The following ENO4 variants were observed in gnomAD, a reference collection of about 807,000 sequenced individuals.
ENO4 encodes 2-phospho-D-glycerate hydro-lyase.
In ENO4, 53 loss-of-function variants were observed where a neutral mutation model predicts 63.2. The observed-to-expected ratio is 0.84, with a 90% CI of 0.67 to 1.05. ENO4 has a LOEUF of 1.05. Ranked by LOEUF, ENO4 falls within the 50% of genes least tolerant of loss-of-function variation. ENO4 has a pLI of 0.00. For synonymous variants in ENO4, 266 were observed against 283.8 expected (o/e 0.94, Z 0.63); for missense variants, 719 against 772.0 (o/e 0.93, Z 0.81).
rs537756679 is a variant in ENO4 at position 116,897,904 on chromosome 10, C to A, written c.1195-13595C>A. On this transcript the variant is annotated intron_variant, in intron 10 of 10. Coordinates refer to the ENO4 transcript ENST00000369207. ...AAATCACATTGTTTCCTTGTTACTC[C>A]CCCTCCCGTCTACAGGCTTTTATTG... Among the ~76,000 whole-genome samples, 446 of 152,236 alleles carry A rather than the reference C, an allele frequency of 2.9e-3. 2 individuals are homozygous for A. The highest frequency in any genetic ancestry group is 0.01 in the African/African-American group (432 of 41,542).
intron 13 of ENO4, among the ~76,000 whole-genome samples, chr10:116,880,377 G>T (rs930582432): frequency 6.6e-6 from 1 of 152,170 alleles, no homozygotes; most frequent in Non-Finnish European, 1.5e-5. Flanking sequence ...AAAACAAGTA[G>T]GCAGCGTGTT....
intron 1 of ENO4, 104 bp downstream of exon 1, chr10:116,849,835 C>A (rs1474291859): frequency 1.5e-6 from 2 of 1,317,396 alleles, no homozygotes; most frequent in African/African-American, 3.0e-5. Context: ...ATCTCGCATG[C>A]CAGCCGCCCG....
At chr10:116,849,789 T>A (rs1846009626) in intron 1 of ENO4, 58 bp downstream of exon 1, 2 of 1,450,010 alleles carry the variant, frequency 1.4e-6, no homozygotes, top group African/African-American at 2.9e-5. Context: ...CGCCCCGCGC[T>A]GCGGCAACGC....
intron 7 of ENO4, among the ~76,000 whole-genome samples, chr10:116,868,405 G>A (rs1846600779): frequency 6.6e-6 from 1 of 152,188 alleles, no homozygotes; most frequent in Admixed American, 6.5e-5. Flanking sequence ...ATATGTGACT[G>A]GGGGCAGAGG....
At chr10:116,854,898 G>A (rs545731207) in intron 1 of ENO4, among the ~76,000 whole-genome samples, 24 of 123,692 alleles carry the variant, frequency 1.9e-4, no homozygotes, top group Non-Finnish European at 3.5e-4. Context: ...CCGTGATGGT[G>A]CCACTGCTCT....
At chr10:116,899,812 G>A (rs1320302235) in intron 10 of ENO4, among the ~76,000 whole-genome samples, 1 of 152,172 alleles carries the variant, frequency 6.6e-6, no homozygotes, top group African/African-American at 2.4e-5. Flanking sequence ...TAAAGTAAGA[G>A]AATGTGGTTA....
chr10:116,871,293 G>A lies in ENO4; in HGVS notation c.1215+1G>A, dbSNP rs551637225. 8.4e-6 allele frequency: 13 copies of A among 1,548,698 alleles called. No individual in the cohort carries two copies. Among genetic ancestry groups the A allele is most frequent in the East Asian group, 2.4e-5 (1 of 40,890 alleles). Reference sequence around the variant, plus strand: ...TGCTGGACATGAGCTGATGGACTACGTAAGTTTCCACTTCAGAACATTCAC... The same window carrying A: ...TGCTGGACATGAGCTGATGGACTACATAAGTTTCCACTTCAGAACATTCAC... On this transcript the variant is annotated splice_donor_variant, in intron 9 of 13. Transcript: ENST00000341276. LOFTEE classifies it high-confidence loss of function.
In ENO4 at chr10:116,861,236, A is replaced by AAAAT. The variant is rs398014879; in HGVS notation, c.936+47_936+48insAATA. 19 of 168,038 alleles carry AAAAT rather than the reference A, an allele frequency of 1.1e-4. No individual in the cohort carries two copies. The South Asian group carries it at 1.3e-3, about 11-fold the overall frequency. 10.4% of individuals were successfully genotyped at this position (168,038 alleles called of 1,614,324 possible). On this transcript the variant is annotated intron_variant, in intron 6 of 13. Transcript: ENST00000341276. ...TTACCTTTTCTAAAAAAAAAAAAAA[A>AAAAT]ATATATATATATATATATATACTCC...
intron 7 of ENO4, among the ~76,000 whole-genome samples, chr10:116,866,319 C>G (rs146541565): frequency 5.8e-4 from 89 of 152,284 alleles, no homozygotes; most frequent in African/African-American, 2.0e-3. Context: ...AGCAGTAAAG[C>G]ACTTAGAGAA....
chr10:116,911,938 T>C, downstream of ENO4: 4 of 882,658 alleles, frequency 4.5e-6, no homozygotes, highest in South Asian at 2.7e-5. Flanking sequence ...TAGCCTTATA[T>C]TGGTAATATG....
At chr10:116,900,981 G>C in intron 10 of ENO4, 2 of 985,388 alleles carry the variant, frequency 2.0e-6, no homozygotes, top group South Asian at 4.7e-5. Context: ...AGCTAAGACA[G>C]CTAGAGTTAC....
chr10:116,863,587 AT>A (rs1846475031), intron 7 of ENO4, among the ~76,000 whole-genome samples: 1 of 152,146 alleles, frequency 6.6e-6, no homozygotes, highest in African/African-American at 2.4e-5. Context: ...CCCACATTGC[AT>A]TTAGCCTGAG....
At chr10:116,886,343 A>C, downstream of ENO4, 1 of 1,552,800 alleles carries the variant, frequency 6.4e-7, no homozygotes, top group Middle Eastern at 1.7e-4. Flanking sequence ...TGGTTTATGG[A>C]TCAGCAGTTG....
intron 9 of ENO4, among the ~76,000 whole-genome samples, chr10:116,871,510 T>C (rs1488313068): frequency 6.6e-6 from 1 of 152,172 alleles, no homozygotes; most frequent in Non-Finnish European, 1.5e-5. Flanking sequence ...AATGTCATTA[T>C]TATATATAGA....
intron 7 of ENO4, among the ~76,000 whole-genome samples, chr10:116,866,427 C>G (rs1446545537): frequency 6.6e-6 from 1 of 152,178 alleles, no homozygotes; most frequent in African/African-American, 2.4e-5. Flanking sequence ...ATCTTTGAAG[C>G]AACAGATTTG....
intron 10 of ENO4, among the ~76,000 whole-genome samples, chr10:116,897,723 T>G (rs1847572603): frequency 6.6e-6 from 1 of 152,166 alleles, no homozygotes; most frequent in Non-Finnish European, 1.5e-5. Flanking sequence ...GGAAATTCAG[T>G]TATAGATTAC....
In ENO4 at chr10:116,909,245, T is replaced by G. The variant is rs578088351; in HGVS notation, c.1195-2254T>G. On this transcript the variant is annotated intron_variant, in intron 10 of 10. Transcript: ENST00000369207. Reference sequence around the variant, plus strand: ...ATACTCTTTTTCTACTTCAAACCACTGTGGTCATTTAACAACCTTAGGCCC... The same window carrying G: ...ATACTCTTTTTCTACTTCAAACCACGGTGGTCATTTAACAACCTTAGGCCC... Among the ~76,000 whole-genome samples the G allele has an allele frequency of 6.6e-5, 10 of 152,308 alleles. No homozygotes were observed. The South Asian group carries it at 2.1e-3, about 32-fold the overall frequency.
At chr10:116,862,936 T>C (rs1846454192) in intron 7 of ENO4, 84 bp downstream of exon 7, 1 of 945,910 alleles carries the variant, frequency 1.1e-6, no homozygotes, top group Non-Finnish European at 1.7e-6. Flanking sequence ...TGGACTTAAA[T>C]CAATTGTGGT....
intron 10 of ENO4, among the ~76,000 whole-genome samples, chr10:116,897,431 C>T (rs1467251004): frequency 6.6e-6 from 1 of 152,130 alleles, no homozygotes; most frequent in African/African-American, 2.4e-5. Context: ...CTGAAAGGGA[C>T]TCTGTACAGT....
Sources: allele counts gnomAD v4.1 joint callset (sites outside exome capture counted in the v4.1 genomes callset), GRCh38; gene constraint gnomAD v4.1.1; transcripts MANE v1.5; gene names NCBI Gene and HGNC (gene_info 2026-07-23, HGNC 2026-07-21).